SLCO2A1: variants seen among roughly 807,000 people sequenced by gnomAD.
The protein encoded by SLCO2A1 is matrin F/G 1.
A neutral mutation model predicts 71.7 loss-of-function variants in SLCO2A1; 60 were observed. The ratio of observed to expected loss-of-function variants is 0.84; its 90% CI spans 0.68 to 1.04. The LOEUF (loss-of-function observed/expected upper bound fraction) is 1.04, where lower values mean the gene tolerates loss of function less well. Ranked by LOEUF, SLCO2A1 falls within the 50% of genes least tolerant of loss-of-function variation. SLCO2A1 has a pLI of 0.00. For synonymous variants in SLCO2A1, 308 were observed against 326.7 expected, an observed-to-expected ratio of 0.94 and a Z score of 0.62; for missense variants, 745 against 813.4, an observed-to-expected ratio of 0.92 and a Z score of 1.02.
chr3:134,025,192 A>G (rs11713468), intron 1 of SLCO2A1, among the ~76,000 whole-genome samples: 14,799 of 152,170 alleles, frequency 0.097, 827 homozygotes, highest in East Asian at 0.22. Flanking sequence ...ACTGAGGACT[A>G]TTCCCAGTGT....
chr3:134,024,515 C>T (rs1935658096), intron 1 of SLCO2A1, among the ~76,000 whole-genome samples: 1 of 152,198 alleles, frequency 6.6e-6, no homozygotes, highest in Non-Finnish European at 1.5e-5. Context: ...TGGCAAAACT[C>T]TTTACACTCT....
chr3:134,021,665 C>G (rs1234221525), intron 1 of SLCO2A1, among the ~76,000 whole-genome samples: 1 of 149,452 alleles, frequency 6.7e-6, no homozygotes, highest in Non-Finnish European at 1.5e-5. Context: ...AAGAGAAAGG[C>G]AGTGAAAGAG....
chr3:133,959,269 G>T (rs1933972772), intron 3 of SLCO2A1, among the ~76,000 whole-genome samples: 1 of 152,074 alleles, frequency 6.6e-6, no homozygotes, highest in African/African-American at 2.4e-5. Flanking sequence ...AGAGGCACAG[G>T]TACTGTGCCT....
In SLCO2A1 at chr3:133,935,303, G is replaced by A. The variant is rs74892400; in HGVS notation, c.1814+471C>T. ...GGCAGCAGGTGAGGTGGCTGGAAGG[G>A]GTGCAGAACCCAATAGCACTGCAGC... is the stretch of plus-strand genomic sequence containing the variant. On this transcript the variant is annotated intron_variant, in intron 13 of 13. Transcript: ENST00000310926. 8.1e-4 allele frequency among the ~76,000 whole-genome samples: 124 copies of A among 152,278 alleles called. 1 individual carries two copies. Among genetic ancestry groups the A allele is most frequent in the African/African-American group, 2.7e-3 (111 of 41,540 alleles).
intron 1 of SLCO2A1, among the ~76,000 whole-genome samples, chr3:133,983,869 A>G (rs950042284): frequency 2.0e-5 from 3 of 152,150 alleles, no homozygotes; most frequent in African/African-American, 7.2e-5. Flanking sequence ...AGAGGCACCA[A>G]ATTAGAGGCT....
chr3:133,935,744 C>G (rs777194738), intron 13 of SLCO2A1, 30 bp downstream of exon 13: 1 of 1,549,444 alleles, frequency 6.5e-7, no homozygotes, highest in Non-Finnish European at 8.8e-7. Context: ...GGGCCTGGCT[C>G]TGGGACACAC....
chr3:134,020,664 G>C (rs183230553), intron 1 of SLCO2A1, among the ~76,000 whole-genome samples: 1,653 of 152,320 alleles, frequency 0.011, 32 homozygotes, highest in African/African-American at 0.036. Flanking sequence ...CCCATGGCGT[G>C]CCTTTATCGG....
intron 3 of SLCO2A1, among the ~76,000 whole-genome samples, chr3:133,973,402 C>G (rs1278202169): frequency 6.6e-6 from 1 of 152,242 alleles, no homozygotes; most frequent in Non-Finnish European, 1.5e-5. Flanking sequence ...AAACTGCTCA[C>G]AGTGTCCCCA....
chr3:133,947,686 G>A (rs1933621505), intron 8 of SLCO2A1, among the ~76,000 whole-genome samples: 1 of 152,232 alleles, frequency 6.6e-6, no homozygotes. Flanking sequence ...TGGGGTTCTT[G>A]CAGCTTAAGA....
intron 3 of SLCO2A1, among the ~76,000 whole-genome samples, chr3:133,973,365 T>A (rs1003995347): frequency 6.6e-6 from 1 of 152,190 alleles, no homozygotes; most frequent in Admixed American, 6.5e-5. Context: ...AATGCTTTGA[T>A]CCTCCTCCTG....
rs375544103 is a variant in SLCO2A1, at chr3:133,992,765, T to C, written c.97-13147A>G. ...AGAGAGGTGTCTGTCCAGGGACAGCTGGACTCCAGGGAATATTACCTTCCT... is the reference window on the plus strand; with the variant it reads ...AGAGAGGTGTCTGTCCAGGGACAGCCGGACTCCAGGGAATATTACCTTCCT... On this transcript the variant is annotated intron_variant, in intron 1 of 13. Coordinates refer to ENST00000310926, the MANE Select transcript of SLCO2A1 (RefSeq NM_005630.3). Among the ~76,000 whole-genome samples, 133 of 152,326 alleles carry C rather than the reference T, an allele frequency of 8.7e-4. 5 individuals are homozygous for C. In the South Asian group the frequency reaches 0.026, roughly 30 times the overall value.
At position 133,933,437 on chromosome 3, in the gene SLCO2A1, C is replaced by A. The variant is rs1026757928; in HGVS notation, c.*1276G>T. The A allele has an allele frequency of 6.6e-6, 1 of 152,110 alleles. No homozygotes were observed. The highest frequency in any genetic ancestry group is 1.5e-5 in the Non-Finnish European group (1 of 68,040). 9.4% of individuals were successfully genotyped at this position (152,110 alleles called of 1,614,324 possible). A position where few individuals can be genotyped will look rare whatever the true frequency, so the allele number is the denominator to read the frequency against. ...AGCTGAGGGAAGCTCCATGGAGAAC[C>A]CTGATTAGCATTGCTTTGCACAAAG... On this transcript the variant is annotated 3_prime_UTR_variant, in exon 14 of 14. Coordinates refer to ENST00000310926, the MANE Select transcript of SLCO2A1 (RefSeq NM_005630.3).
intron 12 of SLCO2A1, 122 bp downstream of exon 12, chr3:133,938,307 C>T: frequency 1.1e-6 from 1 of 889,626 alleles, no homozygotes; most frequent in South Asian, 1.4e-5. Flanking sequence ...GTTGATTATG[C>T]ACAGCTTCTC....
intron 1 of SLCO2A1, among the ~76,000 whole-genome samples, chr3:133,982,979 A>G (rs9832989): frequency 0.013 from 2,041 of 151,914 alleles, 27 homozygotes; most frequent in Non-Finnish European, 0.015. Context: ...CTGCCTCCAT[A>G]TTTTCTGCTG....
At chr3:133,944,514 G>A (rs2108039979) in intron 10 of SLCO2A1, among the ~76,000 whole-genome samples, 1 of 152,340 alleles carries the variant, frequency 6.6e-6, no homozygotes, top group East Asian at 1.9e-4. Context: ...TGGAAAGCTG[G>A]TGGCCAGAAG....
chr3:134,024,356 A>G (rs1448483993), intron 1 of SLCO2A1, among the ~76,000 whole-genome samples: 1 of 152,268 alleles, frequency 6.6e-6, no homozygotes, highest in Non-Finnish European at 1.5e-5. Context: ...GAAATCAAAT[A>G]GCTGCAGGAT....
intron 3 of SLCO2A1, among the ~76,000 whole-genome samples, chr3:133,957,351 C>T (rs1933923539): frequency 6.6e-6 from 1 of 152,142 alleles, no homozygotes; most frequent in Non-Finnish European, 1.5e-5. Context: ...ATGTCAAACA[C>T]CCATGTACTG....
chr3:133,993,480 GA>G (rs200189721), intron 1 of SLCO2A1, among the ~76,000 whole-genome samples: 3,754 of 151,632 alleles, frequency 0.025, 92 homozygotes, highest in South Asian at 0.098. Context: ...ACCACAGATT[GA>G]AAAAAAATTC....
At chr3:133,955,250 G>A in intron 3 of SLCO2A1, 57 bp from the exon 4 acceptor site, 1 of 1,502,142 alleles carries the variant, frequency 6.7e-7, no homozygotes, top group Non-Finnish European at 9.0e-7. Flanking sequence ...TCCACCGGCT[G>A]GCCTCCAAAC....
Sources: gnomAD v4.1 joint callset for allele counts (sites outside exome capture counted in the v4.1 genomes callset) on GRCh38, gnomAD v4.1.1 for gene constraint, MANE v1.5 for transcripts, NCBI Gene and HGNC (gene_info 2026-07-23, HGNC 2026-07-21) for gene names.